The following CA5A variants were observed in gnomAD, a reference collection of about 807,000 sequenced individuals.
The protein encoded by CA5A is carbonic anhydrase 5A, mitochondrial.
In CA5A, 28 loss-of-function variants were observed where a neutral mutation model predicts 37.1. That is an observed-to-expected ratio of 0.75 (90% CI 0.56 to 1.03). The LOEUF is 1.03. Among genes scored for constraint, CA5A ranks in the 50% least tolerant of loss-of-function variants. The pLI is 0.00. For synonymous variants in CA5A, 171 were observed against 158.4 expected, an observed-to-expected ratio of 1.08 and a Z score of -0.60; for missense variants, 444 against 399.9, an observed-to-expected ratio of 1.11 and a Z score of -0.94.
intron 6 of CA5A, among the ~76,000 whole-genome samples, chr16:87,888,740 T>C (rs1414134686): frequency 6.6e-6 from 1 of 152,152 alleles, no homozygotes; most frequent in African/African-American, 2.4e-5. Flanking sequence ...TGGGAGATAA[T>C]AAATGATTGG....
At chr16:87,899,825 C>G (rs1259397166) in intron 5 of CA5A, among the ~76,000 whole-genome samples, 1 of 138,196 alleles carries the variant, frequency 7.2e-6, no homozygotes, top group Non-Finnish European at 1.5e-5. Flanking sequence ...GAGGTTGAGG[C>G]AGGAGAATCA....
intron 2 of CA5A, among the ~76,000 whole-genome samples, chr16:87,907,677 C>G (rs1487477080): frequency 6.6e-6 from 1 of 152,208 alleles, no homozygotes; most frequent in Non-Finnish European, 1.5e-5. Flanking sequence ...GTAATCCCAG[C>G]ACTTTGGGAG....
intron 1 of CA5A, among the ~76,000 whole-genome samples, chr16:87,929,452 A>C (rs1244440414): frequency 2.6e-5 from 2 of 78,236 alleles, no homozygotes; most frequent in African/African-American, 5.6e-5. Context: ...ATTCGGTCTC[A>C]AAAAAAAAAA....
chr16:87,887,425 T>G (rs1270979384), downstream of CA5A: 5 of 151,220 alleles, frequency 3.3e-5, no homozygotes, highest in African/African-American at 1.2e-4. Context: ...GAATTCCTTT[T>G]TACTTTGAGA....
Position 87,914,349 on chromosome 16 carries a change from C to T in CA5A, c.341-9445G>A, listed in dbSNP as rs142905385. Among the ~76,000 whole-genome samples, 682 of 152,290 alleles carry T rather than the reference C, an allele frequency of 4.5e-3. 6 individuals are homozygous for T. Among genetic ancestry groups the T allele is most frequent in the African/African-American group, 0.016 (653 of 41,562 alleles). ...GTGATTTCTATTAAGTGCAGCTTTT[C>T]GTCAGGCAACCGCCAGCAGCACTGA... On this transcript the variant is annotated intron_variant, in intron 2 of 6. Transcript: ENST00000649794.
chr16:87,921,532 T>A lies in CA5A; in HGVS notation c.340+5216A>T, dbSNP rs1028916307. On this transcript the variant is annotated intron_variant, in intron 2 of 6. Transcript: ENST00000649794. ...TTGGCTCTCATTGGCCGGTCTTGAG[T>A]CACGTGCCCATGCCTGTACCAATTG... Among the ~76,000 whole-genome samples the A allele has an allele frequency of 9.6e-4, 146 of 152,162 alleles. 1 individual carries two copies. The highest frequency in any genetic ancestry group is 3.1e-3 in the African/African-American group (130 of 41,432).
chr16:87,929,634 A>G (rs2056368732), intron 1 of CA5A, among the ~76,000 whole-genome samples: 1 of 152,022 alleles, frequency 6.6e-6, no homozygotes, highest in Non-Finnish European at 1.5e-5. Context: ...GCACTTTGGG[A>G]GGCCGAGGTG....
At chr16:87,921,824 A>G (rs932971291) in intron 2 of CA5A, among the ~76,000 whole-genome samples, 2 of 152,160 alleles carry the variant, frequency 1.3e-5, no homozygotes, top group African/African-American at 4.8e-5. Flanking sequence ...CAGAATGTCT[A>G]GAGGAAGCAC....
intron 4 of CA5A, among the ~76,000 whole-genome samples, 160 bp from the exon 5 acceptor site, chr16:87,902,134 A>G (rs553231838): frequency 1.8e-4 from 28 of 152,130 alleles, no homozygotes; most frequent in Admixed American, 1.0e-3. Flanking sequence ...TGGGCGGATC[A>G]TCTAAGGTCA....
chr16:87,893,995 G>C (rs1361519830), intron 5 of CA5A, among the ~76,000 whole-genome samples: 1 of 152,230 alleles, frequency 6.6e-6, no homozygotes, highest in African/African-American at 2.4e-5. Context: ...CTGGGCTCAA[G>C]CGATCCTCCT....
intron 3 of CA5A, among the ~76,000 whole-genome samples, chr16:87,903,940 G>C (rs2055918605): frequency 6.6e-6 from 1 of 151,984 alleles, no homozygotes; most frequent in South Asian, 2.1e-4. Context: ...AAATCTATAA[G>C]GCATCACTTA....
chr16:87,932,003 A>G (rs1325798771), intron 1 of CA5A, among the ~76,000 whole-genome samples: 1 of 151,972 alleles, frequency 6.6e-6, no homozygotes, highest in Non-Finnish European at 1.5e-5. Context: ...CTACTCAACT[A>G]CTTGGGAGGC....
chr16:87,893,172 G>A, intron 5 of CA5A: 1 of 430,388 alleles, frequency 2.3e-6, no homozygotes, highest in Non-Finnish European at 4.1e-6. Flanking sequence ...AGAGTCTCCA[G>A]GCTGGAGTGC....
rs1470990455 is a variant in CA5A, at chr16:87,893,452, C to G, written c.619-1498G>C. 9.3e-6 allele frequency: 5 copies of G among 539,134 alleles called. No homozygotes were observed. The East Asian group carries it at 1.4e-4, about 15-fold the overall frequency. The allele number at this position is 539,134 out of a possible 1,614,324, so 33.4% of individuals were successfully genotyped here. On this transcript the variant is annotated intron_variant, in intron 5 of 6. Coordinates refer to ENST00000649794, the MANE Select transcript of CA5A (RefSeq NM_001739.2). ...TGCCTGGAGACATTTCTACTGCTAC[C>G]TTACCAATGAGGGCATCCAGTATCT... is the stretch of plus-strand genomic sequence containing the variant.
intron 2 of CA5A, among the ~76,000 whole-genome samples, chr16:87,915,717 A>G (rs1245931005): frequency 2.0e-5 from 3 of 150,012 alleles, no homozygotes; most frequent in African/African-American, 4.9e-5. Context: ...AAAAAAAAGG[A>G]AAAACTATTG....
At chr16:87,893,672 TG>T (rs2143912627) in intron 5 of CA5A, 1 of 573,806 alleles carries the variant, frequency 1.7e-6, no homozygotes. Flanking sequence ...AGGCTCGGGC[TG>T]GGTCAGCAAC....
Position 87,919,523 on chromosome 16 carries a change from TG to T in CA5A, c.340+7224del, listed in dbSNP as rs573237003. 5.7e-4 allele frequency among the ~76,000 whole-genome samples: 86 copies of T among 152,132 alleles called. 2 individuals are homozygous for T. The South Asian group carries it at 0.011, about 19-fold the overall frequency. ...CGCCCCATCAGGGAACCCCCGTGAG[TG>T]TCCCCTGGGGAAAGCAGAGTCTGGG... On this transcript the variant is annotated intron_variant, in intron 2 of 6. Transcript: ENST00000649794.
intron 2 of CA5A, among the ~76,000 whole-genome samples, chr16:87,908,490 G>T (rs2055998104): frequency 6.6e-6 from 1 of 152,162 alleles, no homozygotes; most frequent in South Asian, 2.1e-4. Context: ...TTCTACGTAG[G>T]CACATAAATA....
Position 87,901,815 on chromosome 16 carries a change from A to G in CA5A, c.618+97T>C, listed in dbSNP as rs370038828. The G allele has an allele frequency of 1.8e-4, 179 of 973,302 alleles. 1 individual carries two copies. The East Asian group carries it at 3.1e-3, about 17-fold the overall frequency. The allele number at this position is 973,302 out of a possible 1,614,324, so 60.3% of individuals were successfully genotyped here. The stretch of plus-strand genomic sequence containing the variant: ...TTGGTCAGGCTGGTCTCGAACTCCC[A>G]ACCTCACGTGATCCACCTGCCTCAG... On this transcript the variant is annotated intron_variant, in intron 5 of 6. Coordinates refer to ENST00000649794, the MANE Select transcript of CA5A (RefSeq NM_001739.2).
Sources: allele counts gnomAD v4.1 joint callset (sites outside exome capture counted in the v4.1 genomes callset), GRCh38; gene constraint gnomAD v4.1.1; transcripts MANE v1.5; gene names NCBI Gene and HGNC (gene_info 2026-07-23, HGNC 2026-07-21).